TNKS: variants seen among roughly 807,000 people sequenced by gnomAD.
TNKS encodes the protein tankyrase.
TNKS carries 72 observed loss-of-function variants against 135.8 expected under a neutral mutation model. The ratio of observed to expected loss-of-function variants is 0.53; its 90% confidence interval spans 0.44 to 0.64. The LOEUF (loss-of-function observed/expected upper bound fraction) is 0.64. Among genes scored for constraint, TNKS ranks in the 30% least tolerant of loss-of-function variants. The pLI, the probability that TNKS is intolerant of heterozygous loss-of-function variation, is 0.00. For synonymous variants in TNKS, 849 were observed against 649.3 expected (o/e 1.31, Z -4.68); for missense variants, 1,769 against 1,674.0 (o/e 1.06, Z -0.99).
chr8:9,714,677 G>C (rs969967719), intron 11 of TNKS, among the ~76,000 whole-genome samples: 1 of 152,178 alleles, frequency 6.6e-6, no homozygotes, highest in African/African-American at 2.4e-5. Flanking sequence ...AGAAGGAAGA[G>C]GAAGATAAAA....
intron 3 of TNKS, among the ~76,000 whole-genome samples, chr8:9,652,324 G>A (rs1350680134): frequency 6.6e-6 from 1 of 152,134 alleles, no homozygotes; most frequent in Non-Finnish European, 1.5e-5. Flanking sequence ...GAGGAGAAAG[G>A]AAAGTTGATC....
chr8:9,664,583 A>G (rs1326617893), intron 3 of TNKS, among the ~76,000 whole-genome samples: 1 of 152,210 alleles, frequency 6.6e-6, no homozygotes, highest in Non-Finnish European at 1.5e-5. Flanking sequence ...CAAGAGATTT[A>G]GGGGCTATGT....
intron 3 of TNKS, among the ~76,000 whole-genome samples, chr8:9,659,555 A>G (rs1231499154): frequency 2.0e-5 from 3 of 152,208 alleles, no homozygotes; most frequent in Non-Finnish European, 2.9e-5. Context: ...AAGACACAAC[A>G]TACCAGAATC....
At chr8:9,591,132 C>T (rs902546857) in intron 2 of TNKS, among the ~76,000 whole-genome samples, 1 of 152,184 alleles carries the variant, frequency 6.6e-6, no homozygotes, top group Admixed American at 6.5e-5. Context: ...CCAGTTTTCT[C>T]ATTTAGTTGT....
chr8:9,567,056 A>G (rs1482433581), intron 1 of TNKS, among the ~76,000 whole-genome samples: 1 of 152,178 alleles, frequency 6.6e-6, no homozygotes, highest in Non-Finnish European at 1.5e-5. Flanking sequence ...TAAAATCTGT[A>G]TTTTGTGTCA....
At chr8:9,745,945 G>T (rs532215854) in intron 17 of TNKS, among the ~76,000 whole-genome samples, 6 of 152,126 alleles carry the variant, frequency 3.9e-5, no homozygotes, top group Admixed American at 6.5e-5. Context: ...CAGGGAAGAC[G>T]ATATCTTAAG....
intron 5 of TNKS, among the ~76,000 whole-genome samples, chr8:9,698,215 A>G (rs1803611784): frequency 6.6e-6 from 1 of 152,136 alleles, no homozygotes; most frequent in Admixed American, 6.6e-5. Context: ...ACACGTGGAC[A>G]TAAACATGGG....
At chr8:9,775,673 A>G (rs981301262) in intron 26 of TNKS, among the ~76,000 whole-genome samples, 3 of 151,758 alleles carry the variant, frequency 2.0e-5, no homozygotes, top group Non-Finnish European at 4.4e-5. Context: ...CTCACAAAAA[A>G]TCCTAATATT....
At chr8:9,635,686 A>T (rs187125823) in intron 3 of TNKS, among the ~76,000 whole-genome samples, 124 of 152,334 alleles carry the variant, frequency 8.1e-4, no homozygotes, top group African/African-American at 2.8e-3. Flanking sequence ...GTAATACCTG[A>T]GAAGGTCACA....
intron 11 of TNKS, among the ~76,000 whole-genome samples, chr8:9,712,979 A>G (rs1804413672): frequency 6.6e-6 from 1 of 152,182 alleles, no homozygotes; most frequent in Non-Finnish European, 1.5e-5. Flanking sequence ...AAGTTTTATA[A>G]TAGTATAGCA....
chr8:9,717,101 A>ATATATATATATATATATATTTTTTTTTT (rs1454492300), intron 11 of TNKS, among the ~76,000 whole-genome samples: 2 of 119,322 alleles, frequency 1.7e-5, no homozygotes, highest in African/African-American at 5.8e-5. Flanking sequence ...ATATATATAT[A>ATATATATATATATATATATTTTTTTTTT]TTTTCAGGGA....
chr8:9,708,863 T>C (rs1259424717), intron 9 of TNKS, among the ~76,000 whole-genome samples: 1 of 152,162 alleles, frequency 6.6e-6, no homozygotes, highest in African/African-American at 2.4e-5. Flanking sequence ...TAAAGTATAT[T>C]TTTAGATATT....
chr8:9,698,374 G>GAAAAAAAAAAAAAAAAAAAA (rs34311181), intron 5 of TNKS, among the ~76,000 whole-genome samples: 2 of 98,768 alleles, frequency 2.0e-5, no homozygotes, highest in Non-Finnish European at 1.9e-5. Context: ...ATTTTAAAAT[G>GAAAAAAAAAAAAAAAAAAAA]AAAAAAAAAA....
At chr8:9,717,072 A>ACATATATATATATATATATATATATATAT in intron 11 of TNKS, among the ~76,000 whole-genome samples, 1 of 79,456 alleles carries the variant, frequency 1.3e-5, no homozygotes, top group African/African-American at 4.6e-5. Context: ...GTTGTATTAT[A>ACATATATATATATATATATATATATATAT]ATATATATAT....
intron 3 of TNKS, among the ~76,000 whole-genome samples, chr8:9,659,434 C>T (rs1291245886): frequency 1.3e-5 from 2 of 152,174 alleles, no homozygotes; most frequent in African/African-American, 4.8e-5. Flanking sequence ...AAGAAAGTCA[C>T]TCAAAACTAC....
intron 3 of TNKS, among the ~76,000 whole-genome samples, chr8:9,667,251 G>A (rs1271310451): frequency 6.6e-6 from 1 of 152,170 alleles, no homozygotes; most frequent in African/African-American, 2.4e-5. Context: ...GTTTAAACCA[G>A]TATGCCAATA....
Position 9,679,793 on chromosome 8 carries a change from G to C in TNKS, c.995-158G>C, listed in dbSNP as rs35882994. 2.3e-4 allele frequency: 127 copies of C among 559,064 alleles called. No homozygotes were observed. The East Asian group carries it at 3.5e-3, about 15-fold the overall frequency. 34.6% of individuals were successfully genotyped at this position (559,064 alleles called of 1,614,324 possible). ...CCGTCTCCAAGGCACTGGTGATGCT[G>C]CCTTCACAAGCTGGCTAACGTCACG... On this transcript the variant is annotated intron_variant, in intron 3 of 26. Transcript: ENST00000310430.
chr8:9,595,725 A>G (rs1026943255), intron 2 of TNKS, among the ~76,000 whole-genome samples: 2 of 152,156 alleles, frequency 1.3e-5, no homozygotes, highest in African/African-American at 2.4e-5. Context: ...TTTTACAGTG[A>G]TGCAAGGCTT....
intron 25 of TNKS, among the ~76,000 whole-genome samples, chr8:9,769,818 TA>T (rs925958447): frequency 6.6e-6 from 1 of 151,888 alleles, no homozygotes; most frequent in African/African-American, 2.4e-5. Flanking sequence ...ACGAGGTTTT[TA>T]CCGTGTTAGC....
Sources: allele counts gnomAD v4.1 joint callset (sites outside exome capture counted in the v4.1 genomes callset), GRCh38; gene constraint gnomAD v4.1.1; transcripts MANE v1.5; gene names NCBI Gene and HGNC (gene_info 2026-07-23, HGNC 2026-07-21).